The following RFPL1 variants were observed in gnomAD, a reference collection of about 807,000 sequenced individuals.
RFPL1 encodes the protein ret finger protein-like 1.
RFPL1 carries 6 observed loss-of-function variants against 9.6 expected under a neutral mutation model. The ratio of observed to expected loss-of-function variants is 0.62; its 90% CI spans 0.34 to 1.23. The LOEUF is 1.23. Ranked by LOEUF, RFPL1 falls within the 50% of genes most tolerant of loss-of-function variation. RFPL1 has a pLI of 0.03. For synonymous variants in RFPL1, 145 were observed against 149.4 expected, an observed-to-expected ratio of 0.97 and a Z score of 0.22; for missense variants, 352 against 398.4, an observed-to-expected ratio of 0.88 and a Z score of 0.99.
the RFPL1 span, among the ~76,000 whole-genome samples, chr22:29,410,610 T>G: frequency 3.0e-5 from 4 of 131,604 alleles, no homozygotes; most frequent in East Asian, 2.1e-4. Context: ...TATATAGATA[T>G]ATCTATCTAT....
At chr22:29,417,048 A>G in the RFPL1 span, among the ~76,000 whole-genome samples, 1 of 152,136 alleles carries the variant, frequency 6.6e-6, no homozygotes, top group Non-Finnish European at 1.5e-5. Context: ...AGGAGGACAA[A>G]GTGAACTTCC....
chr22:29,434,448 G>A (rs935720287), upstream of RFPL1: 3 of 157,530 alleles, frequency 1.9e-5, no homozygotes, highest in Non-Finnish European at 2.9e-5. Context: ...TGGATATGAC[G>A]TCAGATATTG....
chr22:29,394,180 A>G, the RFPL1 span, among the ~76,000 whole-genome samples: 1 of 152,128 alleles, frequency 6.6e-6, no homozygotes, highest in Non-Finnish European at 1.5e-5. Flanking sequence ...GCTGGTGGAG[A>G]CAGGGCTGTC....
the RFPL1 span, among the ~76,000 whole-genome samples, chr22:29,425,389 C>T: frequency 3.3e-5 from 5 of 152,200 alleles, no homozygotes; most frequent in East Asian, 9.7e-4. Context: ...CACTCAGTTC[C>T]AGCTTGGGGA....
the RFPL1 span, among the ~76,000 whole-genome samples, chr22:29,400,335 T>C: frequency 1.3e-5 from 2 of 152,192 alleles, no homozygotes; most frequent in Non-Finnish European, 2.9e-5. Context: ...CTATACATAA[T>C]TGCCTCTTTC....
At chr22:29,440,861 C>T (rs1483362034) in intron 1 of RFPL1, 2 of 152,404 alleles carry the variant, frequency 1.3e-5, no homozygotes, top group Non-Finnish European at 1.5e-5. Flanking sequence ...AGGTGTGAGC[C>T]ACCGCGCTCA....
At chr22:29,408,301 T>C in the RFPL1 span, among the ~76,000 whole-genome samples, 1 of 152,226 alleles carries the variant, frequency 6.6e-6, no homozygotes, top group African/African-American at 2.4e-5. Flanking sequence ...TTGCCCTAGC[T>C]GGAAAGCCAA....
At chr22:29,406,492 T>G in the RFPL1 span, among the ~76,000 whole-genome samples, 1 of 152,108 alleles carries the variant, frequency 6.6e-6, no homozygotes, top group Non-Finnish European at 1.5e-5. Flanking sequence ...ATGTGCAGAT[T>G]CTAAGTAGCA....
chr22:29,420,026 C>T, the RFPL1 span, among the ~76,000 whole-genome samples: 1 of 152,168 alleles, frequency 6.6e-6, no homozygotes, highest in Admixed American at 6.5e-5. Flanking sequence ...GCAATAGAAC[C>T]TGAGTACTTA....
At chr22:29,421,413 A>G in the RFPL1 span, among the ~76,000 whole-genome samples, 6 of 150,826 alleles carry the variant, frequency 4.0e-5, no homozygotes, top group African/African-American at 1.5e-4. Flanking sequence ...CCTGGGTGAC[A>G]GAGACTCTGT....
At chr22:29,436,365 C>T (rs981688669), upstream of RFPL1, among the ~76,000 whole-genome samples, 11 of 150,974 alleles carry the variant, frequency 7.3e-5, no homozygotes, top group Non-Finnish European at 1.2e-4. Flanking sequence ...CCGAGGCAGG[C>T]GGGTTACCTG....
chr22:29,393,057 G>GA, the RFPL1 span, among the ~76,000 whole-genome samples: 1 of 152,202 alleles, frequency 6.6e-6, no homozygotes, highest in East Asian at 1.9e-4. Flanking sequence ...TTATAACTCA[G>GA]AGTGGTAGGA....
chr22:29,400,153 T>G, the RFPL1 span, among the ~76,000 whole-genome samples: 1 of 151,952 alleles, frequency 6.6e-6, no homozygotes, highest in South Asian at 2.1e-4. Flanking sequence ...CCGCCACCGC[T>G]CCCGGCTAAT....
chr22:29,415,183 C>A, the RFPL1 span, among the ~76,000 whole-genome samples: 2 of 151,374 alleles, frequency 1.3e-5, no homozygotes, highest in Non-Finnish European at 2.9e-5. Context: ...CAAACCAAGT[C>A]AAAATCAAAA....
chr22:29,439,350 C>G, intron 1 of RFPL1, 186 bp downstream of exon 1: 1 of 958,126 alleles, frequency 1.0e-6, no homozygotes, highest in Middle Eastern at 2.8e-4. Flanking sequence ...AAAAAAAAGG[C>G]TGGCTGGGCA....
the RFPL1 span, among the ~76,000 whole-genome samples, chr22:29,415,029 C>T: frequency 2.0e-5 from 3 of 151,982 alleles, no homozygotes; most frequent in African/African-American, 4.8e-5. Context: ...AAGGCACGCC[C>T]GTTCGTCAAG....
chr22:29,413,968 A>G, the RFPL1 span, among the ~76,000 whole-genome samples: 1 of 152,236 alleles, frequency 6.6e-6, no homozygotes, highest in African/African-American at 2.4e-5. Flanking sequence ...TACCAAAGGC[A>G]TATTTTACTT....
At chr22:29,398,199 C>T in the RFPL1 span, among the ~76,000 whole-genome samples, 1 of 152,198 alleles carries the variant, frequency 6.6e-6, no homozygotes, top group African/African-American at 2.4e-5. Flanking sequence ...ATGAAGATCT[C>T]TGTTACTCCT....
the RFPL1 span, among the ~76,000 whole-genome samples, chr22:29,417,813 CATA>C: frequency 6.6e-6 from 1 of 151,848 alleles, no homozygotes; most frequent in Non-Finnish European, 1.5e-5. Flanking sequence ...CACAAGTACA[CATA>C]ACAAGAGAAC....
Sources: gnomAD v4.1 joint callset for allele counts (sites outside exome capture counted in the v4.1 genomes callset) on GRCh38, gnomAD v4.1.1 for gene constraint, MANE v1.5 for transcripts, NCBI Gene and HGNC (gene_info 2026-07-23, HGNC 2026-07-21) for gene names.